ANK3: variants seen among roughly 807,000 people sequenced by gnomAD.
ANK3 encodes the protein ankyrin-3.
In ANK3, 57 loss-of-function variants were observed where a neutral mutation model predicts 370.9. The ratio of observed to expected loss-of-function variants is 0.15; its 90% CI spans 0.12 to 0.19. The LOEUF is 0.19. Among genes scored for constraint, ANK3 ranks in the 10% least tolerant of loss-of-function variants. The pLI, the probability that ANK3 is intolerant of heterozygous loss-of-function variation, is 1.00. For missense variants in ANK3, 4,439 were observed against 5,302.1 expected (o/e 0.84, Z 5.06); for synonymous variants, 1,929 against 1,946.3 (o/e 0.99, Z 0.23).
chr10:60,384,644 G>A (rs1017169730), intron 1 of ANK3, among the ~76,000 whole-genome samples: 1 of 152,112 alleles, frequency 6.6e-6, no homozygotes, highest in African/African-American at 2.4e-5. Flanking sequence ...GTAAGATGGG[G>A]ATAATAAAAA....
chr10:60,684,300 TG>T (rs2079238068), intron 1 of ANK3, among the ~76,000 whole-genome samples: 1 of 152,172 alleles, frequency 6.6e-6, no homozygotes, highest in Admixed American at 6.5e-5. Flanking sequence ...CGCGCCCACC[TG>T]GCGCTCAGGC....
Position 60,071,975 on chromosome 10 carries a change from C to A in ANK3, c.8906G>T (p.Arg2969Ile). ...ATCGGGAATATTAGAAGACAGCATT[C>A]TCCTCTCATCAGCAACTCTGACGGG... ...HIPVRVADER[R>I]MLSSNIPDGF... is the part of the protein sequence containing the mutation. Residue 2969 changes from arginine to isoleucine, a missense_variant, in exon 37 of 44, where the codon AGA becomes ATA. Arg to Ile is a moderately conservative substitution (Grantham distance 97). Transcript: ENST00000280772. 1 of 1,614,108 alleles carries A rather than the reference C, an allele frequency of 6.2e-7. No individual in the cohort carries two copies. The highest frequency in any genetic ancestry group is 8.5e-7 in the Non-Finnish European group (1 of 1,180,004).
chr10:60,374,931 T>C (rs1322494211), intron 1 of ANK3, among the ~76,000 whole-genome samples: 3 of 151,934 alleles, frequency 2.0e-5, no homozygotes, highest in African/African-American at 7.3e-5. Context: ...AAAAATGAGG[T>C]TACAAAAAAG....
chr10:60,580,766 TC>T (rs2077739823), intron 2 of ANK3, among the ~76,000 whole-genome samples: 1 of 152,196 alleles, frequency 6.6e-6, no homozygotes, highest in African/African-American at 2.4e-5. Flanking sequence ...ACTGAAAATG[TC>T]CCCAAATAAC....
At chr10:60,684,769 T>C (rs1251875888) in intron 1 of ANK3, 121 of 1,562,418 alleles carry the variant, frequency 7.7e-5, no homozygotes, top group Non-Finnish European at 8.2e-5. Flanking sequence ...ATGGAAGTCA[T>C]ATACCAGATG....
At chr10:60,373,514 T>A (rs1435264522) in intron 1 of ANK3, among the ~76,000 whole-genome samples, 2 of 152,066 alleles carry the variant, frequency 1.3e-5, no homozygotes, top group Non-Finnish European at 2.9e-5. Flanking sequence ...TGACATGACA[T>A]GGGGAAGATG....
At chr10:60,695,829 A>T (rs2079440049) in intron 1 of ANK3, among the ~76,000 whole-genome samples, 1 of 152,168 alleles carries the variant, frequency 6.6e-6, no homozygotes, top group Admixed American at 6.5e-5. Context: ...CCGTAACATC[A>T]CAATTAAAAG....
In ANK3 at chr10:60,074,107, T is replaced by C. The variant is rs759300531; in HGVS notation, c.6774A>G (p.Pro2258=). The stretch of plus-strand genomic sequence containing the variant: ...TTCTTTCAGATGCACCTTCACCGCC[T>C]GGTGGAGAATGATAAACCATTCTGG... ...TTTRMVYHSP[P]GGEGASERIE... Residue 2258 remains proline (P), a synonymous_variant, in exon 37 of 44, where the codon CCA becomes CCG. Transcript: ENST00000280772. 9 of 1,613,896 alleles carry C rather than the reference T, an allele frequency of 5.6e-6. No individual in the cohort carries two copies. The East Asian group carries it at 1.3e-4, about 24-fold the overall frequency.
At chr10:60,696,187 C>G (rs2079446771) in intron 1 of ANK3, among the ~76,000 whole-genome samples, 1 of 149,900 alleles carries the variant, frequency 6.7e-6, no homozygotes, top group African/African-American at 2.5e-5. Context: ...ATACACTCTC[C>G]CAAGACTAAA....
At chr10:60,331,768 G>C (rs1270953852) in intron 1 of ANK3, among the ~76,000 whole-genome samples, 1 of 151,968 alleles carries the variant, frequency 6.6e-6, no homozygotes, top group African/African-American at 2.4e-5. Flanking sequence ...TTCTCCAGGA[G>C]ATTTAAAAAA....
Position 60,140,346 on chromosome 10 carries a change from T to A in ANK3, c.2615-1259A>T. On this transcript the variant is annotated intron_variant, in intron 23 of 43. Coordinates refer to ENST00000280772, the MANE Select transcript of ANK3 (RefSeq NM_020987.5). ...GCACACACCAAGTACAACTCAAAGA[T>A]CTTACTCTGCGGTAAAGCCATTTCC... The A allele has an allele frequency of 3.1e-6, 5 of 1,613,804 alleles. No homozygotes were observed. The African/African-American group carries it at 5.3e-5, about 17-fold the overall frequency.
chr10:60,545,492 G>A (rs886108328), intron 2 of ANK3, among the ~76,000 whole-genome samples: 1 of 150,758 alleles, frequency 6.6e-6, no homozygotes, highest in East Asian at 2.0e-4. Flanking sequence ...AGTCAATTTT[G>A]TGCTAGCAAG....
intron 42 of ANK3, among the ~76,000 whole-genome samples, chr10:60,054,041 C>G (rs756810606): frequency 9.2e-5 from 14 of 152,172 alleles, no homozygotes; most frequent in Non-Finnish European, 1.5e-4. Context: ...AGTTTCCACT[C>G]AAGGTTTAAA....
At chr10:60,262,193 G>T (rs1405012668) in intron 6 of ANK3, among the ~76,000 whole-genome samples, 2 of 152,182 alleles carry the variant, frequency 1.3e-5, no homozygotes, top group Non-Finnish European at 2.9e-5. Context: ...AGCAATTTTA[G>T]TAATCCAATA....
intron 2 of ANK3, among the ~76,000 whole-genome samples, chr10:60,418,360 G>T (rs1409121731): frequency 6.6e-6 from 1 of 152,064 alleles, no homozygotes; most frequent in Non-Finnish European, 1.5e-5. Flanking sequence ...TCCCTCATCT[G>T]CTACACCTGC....
At chr10:60,042,639 A>C (rs2076306416) in intron 43 of ANK3, 33 bp downstream of exon 43, 2 of 1,571,070 alleles carry the variant, frequency 1.3e-6, no homozygotes, top group South Asian at 2.3e-5. Context: ...CAGGAATTTA[A>C]GTCCTACTGT....
rs752199130 is a variant in ANK3 at position 60,306,779 on chromosome 10, T to C, written c.115-27140A>G. On this transcript the variant is annotated intron_variant, in intron 1 of 43. Transcript: ENST00000280772. ...CATGATGGCATATTGTGAGTTGATATTGCTGTGTCTAGAATTCATAACTGT... is the reference window on the plus strand; with the variant it reads ...CATGATGGCATATTGTGAGTTGATACTGCTGTGTCTAGAATTCATAACTGT... Among the ~76,000 whole-genome samples, 68 of 152,202 alleles carry C rather than the reference T, an allele frequency of 4.5e-4. 1 individual carries two copies. Among genetic ancestry groups the C allele is most frequent in the Non-Finnish European group, 6.5e-4 (44 of 68,036 alleles).
Position 60,055,905 on chromosome 10 carries a change from T to A in ANK3, c.12818A>T (p.Asp4273Val). Residue 4273 changes from aspartate to valine, a missense_variant, in exon 42 of 44, where the codon GAT becomes GTT. Physicochemically the swap from Asp to Val is radical, Grantham distance 152. This residue lies in a region of ANK3 where 242 missense variants were observed against 228.0 expected (regional missense o/e 1.06). Transcript: ENST00000280772. Reference protein sequence around the residue: ...TKSYFPESQNDVGKQSTKETL... With the variant: ...TKSYFPESQNVVGKQSTKETL... The stretch of plus-strand genomic sequence containing the variant: ...TTCCTTGGTACTCTGTTTTCCTACA[T>A]CATTTTGGGATTCTGGAAAGTAAGA... 1 of 1,614,206 alleles carries A rather than the reference T, an allele frequency of 6.2e-7. No homozygotes were observed. Among genetic ancestry groups the A allele is most frequent in the Non-Finnish European group, 8.5e-7 (1 of 1,180,042 alleles).
intron 2 of ANK3, among the ~76,000 whole-genome samples, chr10:60,499,589 TA>T (rs773319258): frequency 7.2e-5 from 11 of 152,208 alleles, no homozygotes; most frequent in Non-Finnish European, 1.3e-4. Flanking sequence ...ACCACATTCA[TA>T]AGGGATACTT....
Sources: gnomAD v4.1 joint callset for allele counts (sites outside exome capture counted in the v4.1 genomes callset) on GRCh38, gnomAD v4.1.1 for gene constraint, gnomAD v4.1.1 regional missense constraint, MANE v1.5 for transcripts, NCBI Gene and HGNC (gene_info 2026-07-23, HGNC 2026-07-21) for gene names.